MANBA: variants seen among roughly 807,000 people sequenced by gnomAD.
MANBA encodes the protein beta-mannosidase.
MANBA carries 83 observed loss-of-function variants against 111.1 expected under a neutral mutation model. That is an observed-to-expected ratio of 0.75 (90% CI 0.63 to 0.90). The LOEUF is 0.90. MANBA is among the 40% of genes least tolerant of loss of function. MANBA has a pLI of 0.00. For missense variants in MANBA, 1,036 were observed against 1,069.0 expected (o/e 0.97, Z 0.43); for synonymous variants, 370 against 378.7 (o/e 0.98, Z 0.27).
intron 4 of MANBA, among the ~76,000 whole-genome samples, chr4:102,716,440 A>G (rs1722337280): frequency 6.6e-6 from 1 of 152,112 alleles, no homozygotes; most frequent in Admixed American, 6.6e-5. Flanking sequence ...TTGTTTCTGA[A>G]CGTGAAGCCC....
rs1160614492 is a variant in MANBA, at chr4:102,723,037, A to C, written c.383T>G (p.Phe128Cys). The C allele has an allele frequency of 6.2e-7, 1 of 1,613,524 alleles. No homozygotes were observed. The highest frequency in any genetic ancestry group is 8.5e-7 in the Non-Finnish European group (1 of 1,179,660). The change falls in exon 4 of 17, where the codon TTT (phenylalanine) becomes TGT (cysteine). Residue 128 changes from phenylalanine (F) to cysteine (C), a missense_variant. By Grantham distance (205) the Phe-to-Cys change is radical. Coordinates refer to ENST00000647097, the MANE Select transcript of MANBA (RefSeq NM_005908.4). ...GTCCCTGACCACGTTGGTAATATCA[A>C]AGCTCTAAGTTAAAGGGAACAATCA... ...ETDNMFNRYS[F>C]DITNVVRDVN...
At chr4:102,757,236 G>A (rs941062801) in intron 1 of MANBA, among the ~76,000 whole-genome samples, 8 of 152,128 alleles carry the variant, frequency 5.3e-5, no homozygotes, top group Admixed American at 1.3e-4. Context: ...GACTGAGGCA[G>A]GAGAATCTCT....
At chr4:102,685,921 TTGAAGAC>T (rs55713541) in intron 7 of MANBA, among the ~76,000 whole-genome samples, 151,791 of 151,806 alleles carry the variant, frequency 1, 75,888 homozygotes, top group Middle Eastern at 1. Context: ...TTATAGTAGA[TTGAAGAC>T]TGAAGACTGA....
chr4:102,742,101 C>A (rs564101035), intron 1 of MANBA, among the ~76,000 whole-genome samples: 2 of 152,160 alleles, frequency 1.3e-5, no homozygotes, highest in Non-Finnish European at 2.9e-5. Flanking sequence ...GAGCAGTAGA[C>A]TGATTTTGTC....
At chr4:102,751,825 T>C (rs905367517) in intron 1 of MANBA, 2 of 509,456 alleles carry the variant, frequency 3.9e-6, no homozygotes, top group African/African-American at 3.9e-5. Flanking sequence ...AGGGATGTCT[T>C]AAAAGATGTG....
intron 12 of MANBA, among the ~76,000 whole-genome samples, chr4:102,654,619 G>C (rs1466191694): frequency 3.3e-5 from 5 of 152,080 alleles, no homozygotes; most frequent in African/African-American, 1.2e-4. Flanking sequence ...TGAAGAAAAA[G>C]CACTTGAAAA....
intron 4 of MANBA, among the ~76,000 whole-genome samples, chr4:102,715,527 G>A (rs1485535395): frequency 6.6e-6 from 1 of 152,086 alleles, no homozygotes; most frequent in Non-Finnish European, 1.5e-5. Context: ...AGGGGTACAA[G>A]TGCAGGTTTG....
chr4:102,752,193 G>A (rs540063091), intron 1 of MANBA: 1 of 819,144 alleles, frequency 1.2e-6, no homozygotes, highest in East Asian at 2.4e-5. Context: ...GAAGAAATCT[G>A]CAGTGCATCT....
rs1290511795 is a variant in MANBA at position 102,634,794 on chromosome 4, C to G, written c.2409G>C (p.Gln803His). 6.2e-7 allele frequency: 1 copy of G among 1,613,592 alleles called. No homozygotes were observed. Among genetic ancestry groups the G allele is most frequent in the Non-Finnish European group, 8.5e-7 (1 of 1,180,036 alleles). Residue 803 changes from glutamine (Q) to histidine (H), a missense_variant, in exon 16 of 17, where the codon CAG (glutamine) becomes CAC (histidine). Coordinates refer to ENST00000647097, the MANE Select transcript of MANBA (RefSeq NM_005908.4). The part of the protein sequence containing the change: ...PKEAVGLCKA[Q>H]ITAIISQQGD... Reference sequence around the variant, plus strand: ...CGCCATGACCTGTGCTTACAGTGATCTGCGCCTTGCAGAGCCCCACGGCCT... The same window carrying G: ...CGCCATGACCTGTGCTTACAGTGATGTGCGCCTTGCAGAGCCCCACGGCCT...
At chr4:102,752,284 G>C in intron 1 of MANBA, 1 of 1,289,642 alleles carries the variant, frequency 7.8e-7, no homozygotes, top group Non-Finnish European at 1.1e-6. Context: ...GTGCTTAATT[G>C]TATTTCCCAT....
intron 5 of MANBA, among the ~76,000 whole-genome samples, chr4:102,701,645 C>A (rs1358752107): frequency 2.0e-5 from 3 of 151,576 alleles, no homozygotes; most frequent in Non-Finnish European, 4.4e-5. Context: ...ATATGAAATT[C>A]TGGGTTGAAA....
Position 102,634,776 on chromosome 4 carries a change from A to G in MANBA, c.2415+12T>C. On this transcript the variant is annotated intron_variant, in intron 16 of 16. Transcript: ENST00000647097. Reference sequence around the variant, plus strand: ...CCACAGTCCCCTGCCCTCCGCCATGACCTGTGCTTACAGTGATCTGCGCCT... The same window carrying G: ...CCACAGTCCCCTGCCCTCCGCCATGGCCTGTGCTTACAGTGATCTGCGCCT... The G allele has an allele frequency of 6.2e-7, 1 of 1,613,038 alleles. No individual in the cohort carries two copies. Among genetic ancestry groups the G allele is most frequent in the Non-Finnish European group, 8.5e-7 (1 of 1,180,014 alleles).
chr4:102,741,922 G>A (rs952997855), intron 1 of MANBA, among the ~76,000 whole-genome samples: 7 of 152,122 alleles, frequency 4.6e-5, no homozygotes, highest in Admixed American at 4.6e-4. Context: ...TTTTTTCCTG[G>A]TAAAGTGACC....
chr4:102,737,129 C>A (rs1200807072), intron 1 of MANBA, among the ~76,000 whole-genome samples: 1 of 152,108 alleles, frequency 6.6e-6, no homozygotes, highest in African/African-American at 2.4e-5. Context: ...GGGAAGGCAC[C>A]CAGCAGAACT....
chr4:102,669,713 G>C (rs1196434069), intron 9 of MANBA, among the ~76,000 whole-genome samples: 1 of 152,166 alleles, frequency 6.6e-6, no homozygotes, highest in African/African-American at 2.4e-5. Context: ...AGGCACGGTG[G>C]CTCACGCCTG....
intron 5 of MANBA, among the ~76,000 whole-genome samples, chr4:102,702,530 T>C (rs1310667470): frequency 1.3e-5 from 2 of 152,058 alleles, no homozygotes; most frequent in Non-Finnish European, 2.9e-5. Context: ...TACAGATGGG[T>C]TTTTGGTGTG....
intron 1 of MANBA, among the ~76,000 whole-genome samples, chr4:102,754,801 C>T (rs112854344): frequency 0.019 from 2,854 of 152,156 alleles, 87 homozygotes; most frequent in African/African-American, 0.065. Flanking sequence ...CGTGATCTGC[C>T]GCCTTGGCCT....
At chr4:102,656,833 C>T (rs1004494051) in intron 12 of MANBA, among the ~76,000 whole-genome samples, 9 of 152,100 alleles carry the variant, frequency 5.9e-5, no homozygotes, top group African/African-American at 2.2e-4. Flanking sequence ...AAAGACCACA[C>T]ATTATATTAT....
chr4:102,712,201 T>C (rs926856449), intron 5 of MANBA, among the ~76,000 whole-genome samples: 5 of 152,192 alleles, frequency 3.3e-5, no homozygotes, highest in African/African-American at 1.2e-4. Flanking sequence ...AAATATTACG[T>C]GTCAATTTAA....
Sources: allele counts gnomAD v4.1 joint callset (sites outside exome capture counted in the v4.1 genomes callset), GRCh38; gene constraint gnomAD v4.1.1; transcripts MANE v1.5; gene names NCBI Gene and HGNC (gene_info 2026-07-23, HGNC 2026-07-21).